CDK5RAP3: variants seen among roughly 807,000 people sequenced by gnomAD.
CDK5RAP3 encodes CDK5 regulatory subunit associated protein 3, also known as CDK5 regulatory subunit-associated protein 3.
CDK5RAP3 carries 58 observed loss-of-function variants against 73.3 expected under a neutral mutation model. The ratio of observed to expected loss-of-function variants is 0.79; its 90% CI spans 0.64 to 0.98. The LOEUF (loss-of-function observed/expected upper bound fraction) is 0.98, where lower values mean the gene tolerates loss of function less well. CDK5RAP3 is among the 50% of genes least tolerant of loss of function. The pLI is 0.00. For missense variants in CDK5RAP3, 525 were observed against 615.8 expected (o/e 0.85, Z 1.56); for synonymous variants, 224 against 247.5 (o/e 0.91, Z 0.89).
chr17:47,971,509 G>A, intron 2 of CDK5RAP3, 102 bp downstream of exon 2: 1 of 1,159,358 alleles, frequency 8.6e-7, no homozygotes, highest in Non-Finnish European at 1.2e-6. Context: ...AGCCTGAGTC[G>A]AGATGCTGAC....
At chr17:47,970,735 G>C (rs1366020315), upstream of CDK5RAP3, 5 of 1,534,492 alleles carry the variant, frequency 3.3e-6, no homozygotes, top group East Asian at 1.2e-4. Flanking sequence ...TATTTGCAAC[G>C]GCCTCCCAGA....
In CDK5RAP3 at chr17:47,980,799, G is replaced by A. The variant is rs762130959; in HGVS notation, c.1283+1G>A. 2.5e-6 allele frequency: 4 copies of A among 1,614,114 alleles called. No homozygotes were observed. The highest frequency in any genetic ancestry group is 3.4e-6 in the Non-Finnish European group (4 of 1,179,972). ...TGTTTATGATCCTGGCCTCACCAAG[G>A]TCTGGCTTCCCCTTGATGCAAGGCT... On this transcript the variant is annotated splice_donor_variant, in intron 12 of 13. Coordinates refer to ENST00000338399, the MANE Select transcript of CDK5RAP3 (RefSeq NM_176096.3). LOFTEE classifies it high-confidence loss of function.
At chr17:47,977,066 C>T (rs928729941) in intron 9 of CDK5RAP3, among the ~76,000 whole-genome samples, 5 of 152,068 alleles carry the variant, frequency 3.3e-5, no homozygotes, top group African/African-American at 4.8e-5. Context: ...TTCCGCCTCC[C>T]AGGTTCAAGT....
intron 5 of CDK5RAP3, chr17:47,974,689 G>T: frequency 1.5e-6 from 2 of 1,356,646 alleles, no homozygotes; most frequent in Non-Finnish European, 1.9e-6. Flanking sequence ...CAGCGAGCAG[G>T]TGTGTGTGGG....
In CDK5RAP3 at chr17:47,981,404, C is replaced by G. The variant is rs958094488; in HGVS notation, c.1456-33C>G. ...TGTGCAAAATGAGGCCCTGAGCACCCCTGCTTCTGCCCACTTGGTATCACT... is the reference window on the plus strand; with the variant it reads ...TGTGCAAAATGAGGCCCTGAGCACCGCTGCTTCTGCCCACTTGGTATCACT... On this transcript the variant is annotated intron_variant, in intron 13 of 13. Coordinates refer to ENST00000338399, the MANE Select transcript of CDK5RAP3 (RefSeq NM_176096.3). 3.7e-6 allele frequency: 6 copies of G among 1,614,096 alleles called. No homozygotes were observed. In the African/African-American group the frequency reaches 8.0e-5, roughly 22 times the overall value.
chr17:47,975,882 G>A lies in CDK5RAP3; in HGVS notation c.667G>A (p.Val223Met), dbSNP rs764836302. Reference sequence around the variant, plus strand: ...GCTCTGTTGAAGCCCCACAGAGCAGGTGTTGCCAATGCTGCGGTTCGTGCA... The same window carrying A: ...GCTCTGTTGAAGCCCCACAGAGCAGATGTTGCCAATGCTGCGGTTCGTGCA... ...GFVCESPTEQ[V>M]LPMLRFVQKR... Residue 223 changes from valine to methionine, a missense_variant, in exon 8 of 14, where the codon GTG becomes ATG. Physicochemically the swap from Val to Met is conservative, Grantham distance 21. Coordinates refer to ENST00000338399, the MANE Select transcript of CDK5RAP3 (RefSeq NM_176096.3). 36 of 1,614,094 alleles carry A rather than the reference G, an allele frequency of 2.2e-5. No homozygotes were observed. Among genetic ancestry groups the A allele is most frequent in the Non-Finnish European group, 3.0e-5 (35 of 1,180,056 alleles).
Position 47,973,959 on chromosome 17 carries a change from C to T in CDK5RAP3, c.213C>T (p.Ile71=). The T allele has an allele frequency of 6.2e-7, 1 of 1,614,002 alleles. No individual in the cohort carries two copies. Among genetic ancestry groups the T allele is most frequent in the Non-Finnish European group, 8.5e-7 (1 of 1,179,854 alleles). Residue 71 remains isoleucine (I), a synonymous_variant, in exon 4 of 14, where the codon ATC becomes ATT. Coordinates refer to ENST00000338399, the MANE Select transcript of CDK5RAP3 (RefSeq NM_176096.3). ...SYIHYFHCLR[I]LDLLKGTEAS... ...TTCACTACTTTCACTGCCTAAGAAT[C>T]CTGGACCTTCTCAAAGGCACAGAGG...
In CDK5RAP3 at chr17:47,977,798, C is replaced by T. The variant is rs754631210; in HGVS notation, c.910-34C>T. 7 of 1,576,834 alleles carry T rather than the reference C, an allele frequency of 4.4e-6. No individual in the cohort carries two copies. The East Asian group carries it at 9.0e-5, about 20-fold the overall frequency. On this transcript the variant is annotated intron_variant, in intron 9 of 13. Coordinates refer to ENST00000338399, the MANE Select transcript of CDK5RAP3 (RefSeq NM_176096.3). ...GGCTCCTTGGCTCAGGAAAATTCTC[C>T]CCCCATTGCTGTGGTTCTTTGCTCT...
intron 10 of CDK5RAP3, among the ~76,000 whole-genome samples, chr17:47,978,291 G>T (rs1055351573): frequency 1.3e-5 from 2 of 151,586 alleles, no homozygotes; most frequent in Admixed American, 6.6e-5. Context: ...GGCTGGTCTC[G>T]AACTCTTGAC....
intron 4 of CDK5RAP3, 28 bp from the exon 5 acceptor site, chr17:47,974,372 T>C (rs2036342451): frequency 1.9e-6 from 3 of 1,602,540 alleles, no homozygotes; most frequent in Non-Finnish European, 2.6e-6. Context: ...CTTTTCTGGC[T>C]TAACATTGTT....
intron 11 of CDK5RAP3, chr17:47,979,169 T>C: frequency 2.2e-6 from 1 of 451,320 alleles, no homozygotes; most frequent in Non-Finnish European, 4.0e-6. Flanking sequence ...CTTGACCTCA[T>C]GGAGCTTATA....
At chr17:47,980,947 G>T (rs543298884) in intron 12 of CDK5RAP3, 149 bp downstream of exon 12, 9 of 915,424 alleles carry the variant, frequency 9.8e-6, no homozygotes, top group Non-Finnish European at 1.5e-5. Context: ...TGGGACAAGA[G>T]GGGGAGGTTT....
intron 4 of CDK5RAP3, 59 bp downstream of exon 4, chr17:47,974,090 T>C: frequency 8.3e-7 from 1 of 1,210,614 alleles, no homozygotes; most frequent in East Asian, 2.3e-5. Flanking sequence ...CGAGGAGTCA[T>C]AGCCTCTGTG....
At chr17:47,971,317 C>T in intron 1 of CDK5RAP3, 45 bp from the exon 2 acceptor site, 1 of 1,593,452 alleles carries the variant, frequency 6.3e-7, no homozygotes, top group African/African-American at 1.3e-5. Context: ...GTGGTACGTC[C>T]TCTCTCCGCG....
chr17:47,977,258 C>T (rs2036437130), intron 9 of CDK5RAP3, among the ~76,000 whole-genome samples: 1 of 152,222 alleles, frequency 6.6e-6, no homozygotes, highest in African/African-American at 2.4e-5. Context: ...ACGCCATTCT[C>T]CTGCCTCAGC....
chr17:47,968,497 TTTTG>T (rs1406803573), upstream of CDK5RAP3, among the ~76,000 whole-genome samples: 2 of 149,242 alleles, frequency 1.3e-5, no homozygotes, highest in East Asian at 2.0e-4. Context: ...TGGTTTTTGT[TTTTG>T]TTTGTTTGTT....
rs760908762 is a variant in CDK5RAP3 at position 47,981,223 on chromosome 17, T to G, written c.1344T>G (p.Ala448=). The G allele has an allele frequency of 1.2e-6, 2 of 1,614,196 alleles. No homozygotes were observed. The highest frequency in any genetic ancestry group is 1.7e-6 in the Non-Finnish European group (2 of 1,180,026). ...AGCTGAAGCAGTCCCAGCTGCTGGC[T>G]TTGAAGAAAGAGCTGATGGTGCAGA... The part of the protein sequence containing the change: ...QQKLKQSQLL[A]LKKELMVQKQ... The change falls in exon 13 of 14, where the codon GCT becomes GCG. Residue 448 remains alanine (A), a synonymous_variant. Transcript: ENST00000338399.
intron 11 of CDK5RAP3, 54 bp downstream of exon 11, chr17:47,978,971 C>T (rs2036490516): frequency 3.5e-6 from 5 of 1,411,568 alleles, no homozygotes; most frequent in Non-Finnish European, 5.0e-6. Context: ...GCACAGGTGG[C>T]TTCACTCCAG....
intron 8 of CDK5RAP3, 22 bp from the exon 9 acceptor site, chr17:47,976,690 A>G (rs1416108678): frequency 1.3e-6 from 2 of 1,524,686 alleles, no homozygotes; most frequent in Admixed American, 1.7e-5. Context: ...TCCATGAGCT[A>G]ACACTCTCTT....
Sources: allele counts gnomAD v4.1 joint callset (sites outside exome capture counted in the v4.1 genomes callset), GRCh38; gene constraint gnomAD v4.1.1; transcripts MANE v1.5; gene names NCBI Gene and HGNC (gene_info 2026-07-23, HGNC 2026-07-21).